ADAMTSL3: variants seen among roughly 807,000 people sequenced by gnomAD.
ADAMTSL3 encodes ADAMTS like 3.
A neutral mutation model predicts 201.7 loss-of-function variants in ADAMTSL3; 128 were observed. That is an observed-to-expected ratio of 0.63 (90% confidence interval 0.55 to 0.73). The LOEUF (loss-of-function observed/expected upper bound fraction) is 0.73, where lower values mean the gene tolerates loss of function less well. Ranked by LOEUF, ADAMTSL3 falls within the 30% of genes least tolerant of loss-of-function variation. The probability of loss-of-function intolerance (pLI) is 0.00; values close to 1 mark genes in which losing one functional copy is unlikely to be tolerated. For synonymous variants in ADAMTSL3, 738 were observed against 748.4 expected, an observed-to-expected ratio of 0.99 and a Z score of 0.23; for missense variants, 1,990 against 2,119.6, an observed-to-expected ratio of 0.94 and a Z score of 1.20.
At chr15:83,950,031 C>G (rs1000632975) in intron 19 of ADAMTSL3, among the ~76,000 whole-genome samples, 5 of 151,936 alleles carry the variant, frequency 3.3e-5, no homozygotes, top group Admixed American at 1.3e-4. Flanking sequence ...CCCATTTGTC[C>G]ATTTTTACTT....
intron 3 of ADAMTSL3, among the ~76,000 whole-genome samples, chr15:83,769,711 T>C (rs561360528): frequency 1.4e-4 from 21 of 152,256 alleles, no homozygotes; most frequent in African/African-American, 4.8e-4. Context: ...AAACCCCCTC[T>C]TTGCTTCCAG....
chr15:83,998,210 G>A (rs1329587950), intron 23 of ADAMTSL3, among the ~76,000 whole-genome samples: 1 of 152,212 alleles, frequency 6.6e-6, no homozygotes, highest in East Asian at 1.9e-4. Context: ...CCAGCACTTT[G>A]GGAAGCCAAG....
chr15:83,719,183 A>C (rs754553989), intron 3 of ADAMTSL3, among the ~76,000 whole-genome samples: 3 of 152,224 alleles, frequency 2.0e-5, no homozygotes, highest in Non-Finnish European at 4.4e-5. Flanking sequence ...TGCAGATCTA[A>C]CTACCTATTT....
At chr15:83,917,297 T>G (rs2141972293) in intron 16 of ADAMTSL3, among the ~76,000 whole-genome samples, 1 of 152,366 alleles carries the variant, frequency 6.6e-6, no homozygotes, top group East Asian at 1.9e-4. Flanking sequence ...TTTGTTGTAA[T>G]TACTGATGCT....
chr15:83,783,330 G>C lies in ADAMTSL3; in HGVS notation c.317+9680G>C, dbSNP rs565313016. ...CTAAAATACTTGATTGATCCAAAAG[G>C]GTTCAAGAAAGGAGAGAAAAAAGAA... On this transcript the variant is annotated intron_variant, in intron 4 of 29. Transcript: ENST00000286744. Among the ~76,000 whole-genome samples the C allele has an allele frequency of 7.2e-5, 11 of 151,856 alleles. No individual in the cohort carries two copies. In the East Asian group the frequency reaches 1.2e-3, roughly 16 times the overall value.
intron 4 of ADAMTSL3, among the ~76,000 whole-genome samples, chr15:83,787,863 C>T (rs1051151907): frequency 5.3e-5 from 8 of 151,998 alleles, no homozygotes; most frequent in Non-Finnish European, 8.8e-5. Context: ...TCCCTCCAGT[C>T]TGTCTTCCAG....
intron 5 of ADAMTSL3, among the ~76,000 whole-genome samples, chr15:83,809,279 G>A (rs1380326860): frequency 1.3e-5 from 2 of 152,182 alleles, no homozygotes; most frequent in African/African-American, 4.8e-5. Context: ...GAGCCCTAAG[G>A]AGTTGAAAGA....
At chr15:83,748,812 A>G (rs2062593008) in intron 3 of ADAMTSL3, among the ~76,000 whole-genome samples, 1 of 152,206 alleles carries the variant, frequency 6.6e-6, no homozygotes, top group Admixed American at 6.5e-5. Context: ...GAACTGATCT[A>G]TATTTGCTAC....
rs115538040 is a variant in ADAMTSL3, at chr15:83,925,731, G to A, written c.2117+1698G>A. 9.9e-3 allele frequency among the ~76,000 whole-genome samples: 1,504 copies of A among 152,298 alleles called. 26 individuals carry two copies. Among genetic ancestry groups the A allele is most frequent in the African/African-American group, 0.034 (1,413 of 41,548 alleles). On this transcript the variant is annotated intron_variant, in intron 17 of 29. Coordinates refer to ENST00000286744, the MANE Select transcript of ADAMTSL3 (RefSeq NM_207517.3). ...AGAAATAGCACTTGTGTAATGGCACGTAGTAATCCGAATTATTTATCTATG... is the reference window on the plus strand; with the variant it reads ...AGAAATAGCACTTGTGTAATGGCACATAGTAATCCGAATTATTTATCTATG...
At chr15:83,918,927 G>C (rs749422748) in intron 16 of ADAMTSL3, among the ~76,000 whole-genome samples, 2 of 152,176 alleles carry the variant, frequency 1.3e-5, no homozygotes, top group Non-Finnish European at 2.9e-5. Flanking sequence ...TAGAGATGGA[G>C]TATGGTGGAT....
chr15:83,806,699 C>A (rs1446464663), intron 5 of ADAMTSL3, among the ~76,000 whole-genome samples: 1 of 151,946 alleles, frequency 6.6e-6, no homozygotes, highest in African/African-American at 2.4e-5. Context: ...ACGAAAAATA[C>A]AAAAATCAGC....
At chr15:83,838,010 C>G in intron 6 of ADAMTSL3, 79 bp from the exon 7 acceptor site, 4 of 1,541,990 alleles carry the variant, frequency 2.6e-6, no homozygotes, top group Non-Finnish European at 3.5e-6. Context: ...GATTACATCA[C>G]AACTAAGCTT....
At chr15:83,840,598 C>T (rs1423280549) in intron 7 of ADAMTSL3, among the ~76,000 whole-genome samples, 1 of 152,114 alleles carries the variant, frequency 6.6e-6, no homozygotes, top group Non-Finnish European at 1.5e-5. Context: ...AGTGAGGGCT[C>T]AGAGACTTGA....
intron 3 of ADAMTSL3, among the ~76,000 whole-genome samples, chr15:83,715,864 C>T (rs1289428602): frequency 1.3e-5 from 2 of 152,276 alleles, no homozygotes; most frequent in East Asian, 3.9e-4. Flanking sequence ...TTTTCCTGTG[C>T]CAAGGGTGTG....
At chr15:83,895,267 A>C (rs1244872168) in intron 13 of ADAMTSL3, among the ~76,000 whole-genome samples, 1 of 152,168 alleles carries the variant, frequency 6.6e-6, no homozygotes, top group East Asian at 1.9e-4. Flanking sequence ...CTCAGCTGCA[A>C]AAGGATTTGT....
At chr15:83,671,597 G>C (rs1194555302) in intron 2 of ADAMTSL3, among the ~76,000 whole-genome samples, 1 of 152,092 alleles carries the variant, frequency 6.6e-6, no homozygotes, top group Non-Finnish European at 1.5e-5. Context: ...AAGGATATTT[G>C]ATAGTTGGAC....
intron 7 of ADAMTSL3, among the ~76,000 whole-genome samples, chr15:83,848,039 A>G (rs1278490629): frequency 6.6e-6 from 1 of 152,038 alleles, no homozygotes; most frequent in Non-Finnish European, 1.5e-5. Context: ...TGCCTTGGGA[A>G]TGGTGTGTGT....
intron 20 of ADAMTSL3, among the ~76,000 whole-genome samples, chr15:83,972,866 A>AC (rs2067220798): frequency 6.6e-6 from 1 of 152,142 alleles, no homozygotes; most frequent in Non-Finnish European, 1.5e-5. Flanking sequence ...CTACACTTTC[A>AC]CATAGCATCC....
intron 6 of ADAMTSL3, among the ~76,000 whole-genome samples, chr15:83,822,978 C>T (rs1461012517): frequency 5.3e-5 from 8 of 151,974 alleles, no homozygotes; most frequent in Middle Eastern, 3.2e-3. Flanking sequence ...GGATCACTCG[C>T]GGTTAGGAGC....
Sources: allele counts gnomAD v4.1 joint callset (sites outside exome capture counted in the v4.1 genomes callset), GRCh38; gene constraint gnomAD v4.1.1; transcripts MANE v1.5; gene names NCBI Gene and HGNC (gene_info 2026-07-23, HGNC 2026-07-21).